The following ARHGAP20 variants were observed in gnomAD, a reference collection of about 807,000 sequenced individuals.
ARHGAP20 encodes rho GTPase-activating protein 20.
Under a neutral mutation model 73.7 loss-of-function variants are expected in ARHGAP20, and 34 were observed. The observed-to-expected ratio is 0.46, with a 90% CI of 0.35 to 0.61. ARHGAP20 has a LOEUF of 0.61. Ranked by LOEUF, ARHGAP20 falls within the 20% of genes least tolerant of loss-of-function variation. ARHGAP20 has a pLI of 0.00. For missense variants in ARHGAP20, 1,314 were observed against 1,420.9 expected (o/e 0.92, Z 1.21); for synonymous variants, 523 against 518.2 (o/e 1.01, Z -0.13).
Position 110,582,368 on chromosome 11 carries a change from A to G in ARHGAP20, c.1673T>C (p.Leu558Pro). 1 of 1,613,988 alleles carries G rather than the reference A, an allele frequency of 6.2e-7. No homozygotes were observed. Among genetic ancestry groups the G allele is most frequent in the Non-Finnish European group, 8.5e-7 (1 of 1,179,824 alleles). ...ACATCTCACTGAAACCTCTCTGAAG[A>G]GGGAAGTGATTTCTTCTCCAAATAT... ...LRIFGEEITS[L>P]FREVSVRCDT... is the part of the protein sequence containing the mutation. Residue 558 changes from leucine (L) to proline (P), a missense_variant, in exon 14 of 15, where the codon CTC becomes CCC. Physicochemically the swap from Leu to Pro is moderately conservative, Grantham distance 98. This residue lies in a region of ARHGAP20 where 230 missense variants were observed against 317.6 expected (regional missense o/e 0.72). Coordinates refer to ENST00000683387, the MANE Select transcript of ARHGAP20 (RefSeq NM_001384657.1).
intron 3 of ARHGAP20, among the ~76,000 whole-genome samples, chr11:110,627,580 G>C (rs1209922065): frequency 6.6e-6 from 1 of 152,116 alleles, no homozygotes; most frequent in East Asian, 1.9e-4. Flanking sequence ...TTTTGGGGTA[G>C]AGTTCATTAT....
chr11:110,615,443 A>C, intron 5 of ARHGAP20, 110 bp downstream of exon 5: 1 of 1,004,438 alleles, frequency 1.0e-6, no homozygotes. Flanking sequence ...GGTCAAATGA[A>C]CAATTTCTAC....
chr11:110,707,541 G>A (rs542069495), intron 1 of ARHGAP20, among the ~76,000 whole-genome samples: 26 of 152,204 alleles, frequency 1.7e-4, no homozygotes, highest in Admixed American at 5.9e-4. Context: ...TCTGACTAGT[G>A]AGTAAAAGTG....
rs548652674 is a variant in ARHGAP20, at chr11:110,600,242, C to T, written c.964+6319G>A. Among the ~76,000 whole-genome samples the T allele has an allele frequency of 4.6e-5, 7 of 152,326 alleles. No homozygotes were observed. The South Asian group carries it at 1.5e-3, about 32-fold the overall frequency. On this transcript the variant is annotated intron_variant, in intron 9 of 14. Transcript: ENST00000683387. ...AGAGAAGGAGATAAGAGCTGCAGCC[C>T]TTTGGGAAGCCCAGAGCTGGGAGCT...
At chr11:110,702,825 G>C (rs901396676) in intron 1 of ARHGAP20, among the ~76,000 whole-genome samples, 1 of 152,050 alleles carries the variant, frequency 6.6e-6, no homozygotes, top group East Asian at 1.9e-4. Flanking sequence ...TCCAACTTAT[G>C]AGGAATGTGA....
chr11:110,709,937 A>G (rs1037571933), intron 1 of ARHGAP20, among the ~76,000 whole-genome samples: 1 of 152,250 alleles, frequency 6.6e-6, no homozygotes, highest in African/African-American at 2.4e-5. Context: ...ATTTCTGCAA[A>G]GGTACAAGTG....
intron 2 of ARHGAP20, among the ~76,000 whole-genome samples, chr11:110,650,694 T>C (rs1032926145): frequency 6.6e-6 from 1 of 152,192 alleles, no homozygotes; most frequent in African/African-American, 2.4e-5. Flanking sequence ...CTTCATGCAA[T>C]TTAGTTCATA....
chr11:110,705,681 A>G (rs1043244285), intron 1 of ARHGAP20, among the ~76,000 whole-genome samples: 12 of 152,202 alleles, frequency 7.9e-5, no homozygotes, highest in African/African-American at 2.9e-4. Flanking sequence ...CTATGGACAC[A>G]AAGTTTTTTC....
chr11:110,624,873 T>C (rs1381846969), intron 3 of ARHGAP20, among the ~76,000 whole-genome samples: 5 of 152,182 alleles, frequency 3.3e-5, no homozygotes, highest in African/African-American at 4.8e-5. Context: ...TTTTTCTATA[T>C]GTCGAGCATT....
At chr11:110,621,411 C>A (rs1331384654) in intron 4 of ARHGAP20, among the ~76,000 whole-genome samples, 6 of 151,964 alleles carry the variant, frequency 3.9e-5, no homozygotes, top group African/African-American at 1.4e-4. Context: ...TTGATATATT[C>A]CCACAAGTCC....
Position 110,606,757 on chromosome 11 carries a change from G to A in ARHGAP20, c.776-8C>T. 1 of 1,518,116 alleles carries A rather than the reference G, an allele frequency of 6.6e-7. No homozygotes were observed. The highest frequency in any genetic ancestry group is 8.8e-7 in the Non-Finnish European group (1 of 1,134,168). The allele number at this position is 1,518,116 out of a possible 1,614,324, so 94.0% of individuals were successfully genotyped here. ...CATATGGATATTCATGCCCTACACA[G>A]AGACAAATCTAAATGTAGACTTCAG... On this transcript the variant is annotated splice_polypyrimidine_tract_variant and splice_region_variant and intron_variant, in intron 8 of 14. Transcript: ENST00000683387.
chr11:110,577,244 G>GCAT lies in ARHGAP20; in HGVS notation c.*2123_*2125dup. 1 of 1,481,430 alleles carries GCAT rather than the reference G, an allele frequency of 6.8e-7. No individual in the cohort carries two copies. Among genetic ancestry groups the GCAT allele is most frequent in the Non-Finnish European group, 9.0e-7 (1 of 1,113,400 alleles). 91.8% of individuals were successfully genotyped at this position (1,481,430 alleles called of 1,614,324 possible). ...ACAAACTCAAAGCATTTTAGATAAA[G>GCAT]CATCAGTCTAATATATTATAGATTG... On this transcript the variant is annotated 3_prime_UTR_variant, in exon 15 of 15. Coordinates refer to ENST00000683387, the MANE Select transcript of ARHGAP20 (RefSeq NM_001384657.1).
At chr11:110,659,082 G>A (rs946453652) in intron 2 of ARHGAP20, among the ~76,000 whole-genome samples, 3 of 150,350 alleles carry the variant, frequency 2.0e-5, no homozygotes, top group Non-Finnish European at 4.4e-5. Context: ...CCCAGTAATG[G>A]GATGGCTGGG....
intron 2 of ARHGAP20, among the ~76,000 whole-genome samples, chr11:110,679,822 C>T (rs1428388426): frequency 6.6e-6 from 1 of 152,138 alleles, no homozygotes; most frequent in Non-Finnish European, 1.5e-5. Flanking sequence ...TATCAGAAAA[C>T]CAAAGGCAGT....
intron 2 of ARHGAP20, among the ~76,000 whole-genome samples, chr11:110,686,057 G>A (rs1314542504): frequency 2.0e-5 from 3 of 151,972 alleles, no homozygotes; most frequent in African/African-American, 7.2e-5. Flanking sequence ...GCAAAAATTT[G>A]CATTATTTGT....
chr11:110,577,688 G>A lies in ARHGAP20; in HGVS notation c.*1682C>T. ...AAAGTGAAATCGACTTCACATCTGT[G>A]ACTCAGATGGCCAGTGTCACGAAGT... On this transcript the variant is annotated 3_prime_UTR_variant, in exon 15 of 15. Transcript: ENST00000683387. 1.0e-6 allele frequency: 1 copy of A among 985,854 alleles called. No individual in the cohort carries two copies. Among genetic ancestry groups the A allele is most frequent in the Non-Finnish European group, 1.2e-6 (1 of 829,932 alleles). The allele number at this position is 985,854 out of a possible 1,614,324, so 61.1% of individuals were successfully genotyped here.
intron 2 of ARHGAP20, among the ~76,000 whole-genome samples, chr11:110,657,583 G>A (rs1378706147): frequency 1.3e-5 from 2 of 152,058 alleles, no homozygotes; most frequent in African/African-American, 4.8e-5. Flanking sequence ...GTAAAGGGAG[G>A]CAAACAGACC....
chr11:110,614,796 G>T (rs1948448341), intron 5 of ARHGAP20, 151 bp from the exon 6 acceptor site: 1 of 589,828 alleles, frequency 1.7e-6, no homozygotes. Flanking sequence ...AGCAAAGTCA[G>T]ATTACATTAT....
chr11:110,683,805 T>C (rs1950080916), intron 2 of ARHGAP20, among the ~76,000 whole-genome samples: 1 of 152,190 alleles, frequency 6.6e-6, no homozygotes, highest in Non-Finnish European at 1.5e-5. Context: ...ATCATCTTTA[T>C]AGATTTTTAA....
Sources: gnomAD v4.1 joint callset for allele counts (sites outside exome capture counted in the v4.1 genomes callset) on GRCh38, gnomAD v4.1.1 for gene constraint, gnomAD v4.1.1 regional missense constraint, MANE v1.5 for transcripts, NCBI Gene and HGNC (gene_info 2026-07-23, HGNC 2026-07-21) for gene names.